The following EXTL3 variants were observed in gnomAD, a reference collection of about 807,000 sequenced individuals.
The protein encoded by EXTL3 is exostosin like glycosyltransferase 3.
Under a neutral mutation model 69.3 loss-of-function variants are expected in EXTL3, and 27 were observed. The ratio of observed to expected loss-of-function variants is 0.39; its 90% confidence interval spans 0.29 to 0.54. EXTL3 has a LOEUF of 0.54. Among genes scored for constraint, EXTL3 ranks in the 20% least tolerant of loss-of-function variants. The pLI is 0.69. For missense variants in EXTL3, 1,003 were observed against 1,231.8 expected (o/e 0.81, Z 2.78); for synonymous variants, 511 against 499.4 (o/e 1.02, Z -0.31).
intron 2 of EXTL3, among the ~76,000 whole-genome samples, chr8:28,608,903 A>C (rs1308861247): frequency 6.6e-6 from 1 of 152,044 alleles, no homozygotes; most frequent in East Asian, 1.9e-4. Flanking sequence ...TGCACACAAA[A>C]CCCAAAGAAA....
chr8:28,667,534 A>G (rs1453371190), intron 1 of EXTL3, among the ~76,000 whole-genome samples: 1 of 152,104 alleles, frequency 6.6e-6, no homozygotes, highest in Non-Finnish European at 1.5e-5. Flanking sequence ...TTTATTTTGC[A>G]TGGTTCCGAT....
chr8:28,608,204 G>A (rs1426592244), intron 2 of EXTL3, among the ~76,000 whole-genome samples: 2 of 152,070 alleles, frequency 1.3e-5, no homozygotes, highest in Non-Finnish European at 2.9e-5. Context: ...CGATCTCTTA[G>A]GGGAGAAGCC....
chr8:28,704,401 CTT>C (rs924775382), intron 1 of EXTL3, among the ~76,000 whole-genome samples: 1 of 152,354 alleles, frequency 6.6e-6, no homozygotes, highest in East Asian at 1.9e-4. Flanking sequence ...TCCAGTGAAA[CTT>C]TATCTACAAA....
At chr8:28,614,646 TTCTTC>T (rs1296245426) in intron 2 of EXTL3, among the ~76,000 whole-genome samples, 8 of 152,172 alleles carry the variant, frequency 5.3e-5, no homozygotes, top group Non-Finnish European at 8.8e-5. Flanking sequence ...TTTTGGATAT[TTCTTC>T]TCTTCTCATA....
chr8:28,686,102 G>A (rs1434352546), intron 1 of EXTL3: 1 of 152,132 alleles, frequency 6.6e-6, no homozygotes, highest in Admixed American at 6.5e-5. Context: ...CTGACCTCAA[G>A]TGATTTGCTT....
chr8:28,701,448 C>G (rs532296882), upstream of EXTL3: 4 of 151,860 alleles, frequency 2.6e-5, no homozygotes, highest in Admixed American at 6.6e-5. Flanking sequence ...TCCGCGCCCC[C>G]GCTCGCGAAC....
chr8:28,623,245 G>A lies in EXTL3; in HGVS notation c.-53+435G>A, dbSNP rs563475053. 2.3e-4 allele frequency among the ~76,000 whole-genome samples: 35 copies of A among 152,306 alleles called. No homozygotes were observed. Among genetic ancestry groups the A allele is most frequent in the African/African-American group, 8.2e-4 (34 of 41,572 alleles). On this transcript the variant is annotated intron_variant, in intron 1 of 6. Coordinates refer to the EXTL3 transcript ENST00000523149. This position sits in a 1 kb window ranked among gnomAD's most constrained non-coding sequence, Gnocchi z 4.2. ...CTGCCACGCGCCCGCCTCGCGCGCT[G>A]TCAGGAGGCGCTGTCCCCGTGGGTA...
intron 1 of EXTL3, among the ~76,000 whole-genome samples, chr8:28,695,195 T>A (rs1800668187): frequency 6.7e-6 from 1 of 149,680 alleles, no homozygotes; most frequent in South Asian, 2.1e-4. Context: ...AGTGGCGGCA[T>A]CTTGGCTCAC....
At chr8:28,617,476 G>A (rs537367822) in intron 2 of EXTL3, among the ~76,000 whole-genome samples, 2 of 152,274 alleles carry the variant, frequency 1.3e-5, no homozygotes, top group African/African-American at 4.8e-5. Flanking sequence ...GTACTATTCA[G>A]CCATAAAAAG....
At chr8:28,683,772 T>C (rs1807530208) in intron 1 of EXTL3, among the ~76,000 whole-genome samples, 1 of 151,746 alleles carries the variant, frequency 6.6e-6, no homozygotes. Context: ...ATTGCCCCAC[T>C]GCACTCCAGC....
chr8:28,716,341 G>A lies in EXTL3; in HGVS notation c.282G>A (p.Leu94=). 2 of 1,614,134 alleles carry A rather than the reference G, an allele frequency of 1.2e-6. No individual in the cohort carries two copies. The highest frequency in any genetic ancestry group is 1.7e-6 in the Non-Finnish European group (2 of 1,180,034). ...RIRESVSEEL[L]QLEAKRQELN... is the part of the protein sequence containing the mutation. ...GGGAGTCGGTGAGTGAAGAGCTCCT[G>A]CAGCTGGAGGCCAAGCGCCAAGAGC... The change falls in exon 3 of 7, where the codon CTG becomes CTA. Residue 94 remains leucine (L), a synonymous_variant. Coordinates refer to ENST00000220562, the MANE Select transcript of EXTL3 (RefSeq NM_001440.4). The surrounding 1 kb of genome is among the most constrained non-coding windows in gnomAD (Gnocchi z 7.1).
chr8:28,652,687 A>G (rs1222659035), intron 1 of EXTL3, among the ~76,000 whole-genome samples: 1 of 88,236 alleles, frequency 1.1e-5, no homozygotes, highest in African/African-American at 3.4e-5. Context: ...ATATATAGCC[A>G]TATATATATA....
At chr8:28,628,403 C>T (rs1806526381) in intron 1 of EXTL3, among the ~76,000 whole-genome samples, 2 of 152,034 alleles carry the variant, frequency 1.3e-5, no homozygotes, top group African/African-American at 4.8e-5. Context: ...GGCAGGGTGG[C>T]TCACGCCTGT....
chr8:28,744,778 G>C (rs1206693912), intron 6 of EXTL3, among the ~76,000 whole-genome samples: 1 of 146,308 alleles, frequency 6.8e-6, no homozygotes, highest in Non-Finnish European at 1.5e-5. Context: ...GGGTGACAGA[G>C]CGAGACTCCA....
At chr8:28,651,025 G>A (rs886585118) in intron 1 of EXTL3, among the ~76,000 whole-genome samples, 5 of 151,874 alleles carry the variant, frequency 3.3e-5, no homozygotes, top group Non-Finnish European at 7.4e-5. Flanking sequence ...TCTTTTCACC[G>A]GTGTTGAATG....
chr8:28,666,506 A>G lies in EXTL3; in HGVS notation c.-53+43696A>G, dbSNP rs536242366. On this transcript the variant is annotated intron_variant, in intron 1 of 6. Coordinates refer to the EXTL3 transcript ENST00000523149. ...GGTCTCAAACTCCTGGACTTAAGCA[A>G]TCCTCCCACCTTGGCCTCCCAAAGT... 3.9e-5 allele frequency among the ~76,000 whole-genome samples: 6 copies of G among 152,060 alleles called. No homozygotes were observed. The South Asian group carries it at 8.3e-4, about 21-fold the overall frequency.
chr8:28,675,069 T>C (rs6996659), intron 1 of EXTL3, among the ~76,000 whole-genome samples: 5,143 of 152,242 alleles, frequency 0.034, 165 homozygotes, highest in African/African-American at 0.09. Context: ...ACTTTTTAAA[T>C]TTCTACAGAC....
intron 2 of EXTL3, among the ~76,000 whole-genome samples, chr8:28,609,735 T>A (rs1022466560): frequency 3.3e-5 from 5 of 150,324 alleles, no homozygotes; most frequent in African/African-American, 1.2e-4. Context: ...CAAAAATTTT[T>A]AAAAAATAAC....
chr8:28,622,420 G>A (rs920468642), upstream of EXTL3, among the ~76,000 whole-genome samples: 2 of 152,248 alleles, frequency 1.3e-5, no homozygotes, highest in Non-Finnish European at 2.9e-5. Flanking sequence ...GGCATTGGCT[G>A]CGGCGTCCCA....
Sources: gnomAD v4.1 joint callset for allele counts (sites outside exome capture counted in the v4.1 genomes callset) on GRCh38, gnomAD v4.1.1 for gene constraint, Gnocchi (gnomAD v3.1) non-coding constraint, MANE v1.5 for transcripts, NCBI Gene and HGNC (gene_info 2026-07-23, HGNC 2026-07-21) for gene names.